N4BP2: variants seen among roughly 807,000 people sequenced by gnomAD.
N4BP2 encodes the protein NEDD4-binding protein 2.
Under a neutral mutation model 152.8 loss-of-function variants are expected in N4BP2, and 91 were observed. That is an observed-to-expected ratio of 0.60 (90% CI 0.50 to 0.71). The LOEUF (loss-of-function observed/expected upper bound fraction) is 0.71. Among genes scored for constraint, N4BP2 ranks in the 30% least tolerant of loss-of-function variants. The pLI is 0.00. For synonymous variants in N4BP2, 646 were observed against 705.3 expected (o/e 0.92, Z 1.33); for missense variants, 1,923 against 2,059.1 (o/e 0.93, Z 1.28).
downstream of N4BP2, among the ~76,000 whole-genome samples, chr4:40,158,529 G>A (rs1721767813): frequency 6.6e-6 from 1 of 152,086 alleles, no homozygotes; most frequent in African/African-American, 2.4e-5. Flanking sequence ...CAGACGCGGT[G>A]GCTTATGCTT....
the N4BP2 span, among the ~76,000 whole-genome samples, chr4:40,183,426 C>T: frequency 6.6e-6 from 1 of 151,650 alleles, no homozygotes; most frequent in Non-Finnish European, 1.5e-5. Flanking sequence ...AGCTCCGCCT[C>T]CCGGGTTTAC....
chr4:40,176,886 A>G, the N4BP2 span, among the ~76,000 whole-genome samples: 3 of 152,228 alleles, frequency 2.0e-5, no homozygotes, highest in African/African-American at 7.2e-5. Flanking sequence ...GCGCTCTAGC[A>G]GGAGACTCTG....
At chr4:40,166,707 CAAAA>C in the N4BP2 span, 1 of 151,052 alleles carries the variant, frequency 6.6e-6, no homozygotes, top group African/African-American at 2.5e-5. Flanking sequence ...AACAAACAAA[CAAAA>C]AGATAATTAA....
intron 13 of N4BP2, among the ~76,000 whole-genome samples, chr4:40,132,460 G>A (rs975518400): frequency 6.6e-6 from 1 of 152,082 alleles, no homozygotes; most frequent in Admixed American, 6.6e-5. Context: ...GATTTAACTT[G>A]TCTTTCCAAA....
chr4:40,156,834 G>A lies in N4BP2; in HGVS notation c.*2597G>A, dbSNP rs1721636633. The A allele has an allele frequency of 1.3e-5, 2 of 152,066 alleles. No individual in the cohort carries two copies. Among genetic ancestry groups the A allele is most frequent in the Admixed American group, 1.3e-4 (2 of 15,274 alleles). The allele number at this position is 152,066 out of a possible 1,614,324, so 9.4% of individuals were successfully genotyped here. On this transcript the variant is annotated 3_prime_UTR_variant, in exon 18 of 18. Transcript: ENST00000261435. Reference sequence around the variant, plus strand: ...CAGAGCATTTTACATTTGTAGGTTAGCGATACTCAACAAGTAAATATAATG... The same window carrying A: ...CAGAGCATTTTACATTTGTAGGTTAACGATACTCAACAAGTAAATATAATG...
intron 16 of N4BP2, among the ~76,000 whole-genome samples, chr4:40,145,269 G>T (rs1163800168): frequency 1.3e-5 from 2 of 151,952 alleles, no homozygotes; most frequent in Non-Finnish European, 2.9e-5. Flanking sequence ...TGTTGCCCAG[G>T]CTGGAGTGCA....
At chr4:40,132,726 T>C (rs185936525) in intron 13 of N4BP2, among the ~76,000 whole-genome samples, 1 of 152,286 alleles carries the variant, frequency 6.6e-6, no homozygotes, top group East Asian at 1.9e-4. Context: ...TAGGTACTTT[T>C]TGAGAATCTT....
intron 12 of N4BP2, among the ~76,000 whole-genome samples, chr4:40,127,765 A>G (rs914845015): frequency 2.0e-5 from 3 of 152,030 alleles, no homozygotes; most frequent in African/African-American, 7.2e-5. Context: ...GGTTCATGCC[A>G]TTCTCCTGCT....
downstream of N4BP2, among the ~76,000 whole-genome samples, chr4:40,161,415 G>A (rs1006406341): frequency 3.9e-5 from 6 of 152,184 alleles, no homozygotes; most frequent in East Asian, 1.9e-4. Context: ...CCACACAGGT[G>A]GAGGGAGAAC....
chr4:40,106,957 T>C lies in N4BP2; in HGVS notation c.1431T>C (p.Tyr477=). 1.2e-6 allele frequency: 2 copies of C among 1,612,276 alleles called. No individual in the cohort carries two copies. The highest frequency in any genetic ancestry group is 1.1e-5 in the South Asian group (1 of 91,004). ...GVILSTDDYF[Y]INGQYQFDVK... ...TTCTTAGTACTGATGATTATTTTTA[T>C]ATAAATGGACAGTACCAGTTTGATG... Residue 477 remains tyrosine (Y), a synonymous_variant, in exon 5 of 18, where the codon TAT becomes TAC. Coordinates refer to ENST00000261435, the MANE Select transcript of N4BP2 (RefSeq NM_018177.6).
At chr4:40,093,750 G>C (rs547243857) in intron 2 of N4BP2, among the ~76,000 whole-genome samples, 1 of 152,040 alleles carries the variant, frequency 6.6e-6, no homozygotes, top group Admixed American at 6.6e-5. Flanking sequence ...TTCAGTGCGC[G>C]TGCCAGCGCT....
chr4:40,132,039 G>C, intron 13 of N4BP2, 120 bp downstream of exon 13: 2 of 713,558 alleles, frequency 2.8e-6, no homozygotes, highest in South Asian at 3.7e-5. Flanking sequence ...TAATCTGTGG[G>C]TATTATTCCA....
chr4:40,184,958 AAAATAAATAAAT>A, the N4BP2 span, among the ~76,000 whole-genome samples: 2 of 151,510 alleles, frequency 1.3e-5, no homozygotes, highest in African/African-American at 4.8e-5. Flanking sequence ...TCTGTCTCAA[AAAATAAATAAAT>A]AAATAAATAA....
At position 40,120,125 on chromosome 4, in the gene N4BP2, A is replaced by T. The variant is rs763269260; in HGVS notation, c.2014A>T (p.Ile672Phe). 6.2e-7 allele frequency: 1 copy of T among 1,612,414 alleles called. No homozygotes were observed. Among genetic ancestry groups the T allele is most frequent in the Non-Finnish European group, 8.5e-7 (1 of 1,179,430 alleles). Residue 672 changes from isoleucine to phenylalanine, a missense_variant, in exon 9 of 18, where the codon ATT becomes TTT. Transcript: ENST00000261435. Reference sequence around the variant, plus strand: ...AGAAATAAGTGATATGAATCCTAGCATTCAAAGTGCTTTAATTCTGGAAAC... The same window carrying T: ...AGAAATAAGTGATATGAATCCTAGCTTTCAAAGTGCTTTAATTCTGGAAAC... Reference protein sequence around the residue: ...RKEISDMNPSIQSALILETPH... With the variant: ...RKEISDMNPSFQSALILETPH...
At chr4:40,074,943 G>C (rs185938830) in intron 2 of N4BP2, among the ~76,000 whole-genome samples, 2 of 152,142 alleles carry the variant, frequency 1.3e-5, no homozygotes, top group African/African-American at 4.8e-5. Flanking sequence ...GGAGGCAGAG[G>C]CTGCAGTGAG....
chr4:40,059,478 T>A (rs1484118591), intron 1 of N4BP2, among the ~76,000 whole-genome samples: 1 of 151,672 alleles, frequency 6.6e-6, no homozygotes, highest in African/African-American at 2.4e-5. Context: ...GCCTCTGGAG[T>A]AGCTGGGATT....
chr4:40,102,333 CA>C lies in N4BP2; in HGVS notation c.489del (p.Leu165CysfsTer16). On this transcript the variant is annotated frameshift_variant, in exon 4 of 18. Coordinates refer to ENST00000261435, the MANE Select transcript of N4BP2 (RefSeq NM_018177.6). LOFTEE classifies it high-confidence loss of function. ...LNSSPDDQVYSFLPSQDVNSF... is the reference protein window; with the variant it reads ...LNSSPDDQVYXFLPSQDVNSF... Reference sequence around the variant, plus strand: ...TCTTCTCCTGATGACCAAGTATACTCATTTTTGCCTTCACAAGATGTTAATA... The same window carrying C: ...TCTTCTCCTGATGACCAAGTATACTCTTTTTGCCTTCACAAGATGTTAATA... The C allele has an allele frequency of 6.2e-7, 1 of 1,613,540 alleles. No individual in the cohort carries two copies. Among genetic ancestry groups the C allele is most frequent in the Non-Finnish European group, 8.5e-7 (1 of 1,179,808 alleles).
intron 2 of N4BP2, among the ~76,000 whole-genome samples, chr4:40,088,696 C>A (rs576821149): frequency 1.3e-5 from 2 of 152,148 alleles, no homozygotes; most frequent in East Asian, 3.9e-4. Flanking sequence ...AACGGGGTTT[C>A]TCCTTGTTGG....
At chr4:40,063,725 C>T (rs1233234813) in intron 1 of N4BP2, among the ~76,000 whole-genome samples, 2 of 151,462 alleles carry the variant, frequency 1.3e-5, no homozygotes, top group African/African-American at 4.9e-5. Context: ...CTTACTACAA[C>T]CTCCACCTCC....
Sources: gnomAD v4.1 joint callset for allele counts (sites outside exome capture counted in the v4.1 genomes callset) on GRCh38, gnomAD v4.1.1 for gene constraint, MANE v1.5 for transcripts, NCBI Gene and HGNC (gene_info 2026-07-23, HGNC 2026-07-21) for gene names.